The following S100Z variants were observed in gnomAD, a reference collection of about 807,000 sequenced individuals.
The protein encoded by S100Z is S100 calcium binding protein Z.
A neutral mutation model predicts 8.5 loss-of-function variants in S100Z; 11 were observed. The ratio of observed to expected loss-of-function variants is 1.30; its 90% CI spans 0.82 to 2.15. The LOEUF is 2.15. Among genes scored for constraint, S100Z ranks in the 30% most tolerant of loss-of-function variants. The pLI is 0.00. For synonymous variants in S100Z, 34 were observed against 43.8 expected (o/e 0.78, Z 0.89); for missense variants, 126 against 117.9 (o/e 1.07, Z -0.32).
chr5:76,907,004 A>ATG (rs1365181121), intron 4 of S100Z, among the ~76,000 whole-genome samples: 3 of 16,850 alleles, frequency 1.8e-4, no homozygotes, highest in Non-Finnish European at 2.7e-4. Flanking sequence ...ATATATATAT[A>ATG]TATATATATA....
chr5:76,858,250 C>T (rs578146265), intron 1 of S100Z, among the ~76,000 whole-genome samples: 70 of 152,192 alleles, frequency 4.6e-4, no homozygotes, highest in Middle Eastern at 3.4e-3. Flanking sequence ...GGGCTAAGTG[C>T]GGTGGCTCAC....
intron 2 of S100Z, among the ~76,000 whole-genome samples, chr5:76,874,594 G>GT (rs901246438): frequency 4.6e-5 from 7 of 152,060 alleles, no homozygotes; most frequent in African/African-American, 4.8e-5. Flanking sequence ...TGGGGAGAAC[G>GT]TTTCCCCCTC....
At chr5:76,936,528 A>G in the S100Z span, among the ~76,000 whole-genome samples, 1 of 151,894 alleles carries the variant, frequency 6.6e-6, no homozygotes, top group Non-Finnish European at 1.5e-5. Context: ...TAGAGAAAAA[A>G]GTCAATCAAA....
At chr5:76,936,081 T>C in the S100Z span, among the ~76,000 whole-genome samples, 1 of 152,132 alleles carries the variant, frequency 6.6e-6, no homozygotes, top group Non-Finnish European at 1.5e-5. Flanking sequence ...CCGGCCAAAA[T>C]AATGACTTTT....
At chr5:76,884,448 T>C (rs1743525530) in intron 4 of S100Z, among the ~76,000 whole-genome samples, 3 of 152,188 alleles carry the variant, frequency 2.0e-5, no homozygotes. Context: ...GAAAAAACTC[T>C]TTCCCATTCA....
chr5:76,947,653 G>C, the S100Z span, among the ~76,000 whole-genome samples: 1 of 152,058 alleles, frequency 6.6e-6, no homozygotes. Flanking sequence ...TATGGTACAG[G>C]CATAAAGACA....
chr5:76,886,428 A>G (rs1229916806), intron 4 of S100Z, among the ~76,000 whole-genome samples: 7 of 152,180 alleles, frequency 4.6e-5, no homozygotes, highest in African/African-American at 7.2e-5. Flanking sequence ...AGAAGAGAGT[A>G]AAAAGAGGCC....
At chr5:76,892,533 G>T (rs1416637720) in intron 4 of S100Z, among the ~76,000 whole-genome samples, 1 of 151,280 alleles carries the variant, frequency 6.6e-6, no homozygotes, top group African/African-American at 2.5e-5. Context: ...CAAGATTGGG[G>T]GCATGCATAA....
the S100Z span, among the ~76,000 whole-genome samples, chr5:76,936,383 C>T: frequency 6.6e-6 from 1 of 151,874 alleles, no homozygotes; most frequent in African/African-American, 2.4e-5. Context: ...ATGTACATAT[C>T]TAAAAGGATA....
intron 4 of S100Z, among the ~76,000 whole-genome samples, chr5:76,909,086 T>G (rs1414144391): frequency 6.6e-6 from 1 of 152,140 alleles, no homozygotes; most frequent in African/African-American, 2.4e-5. Context: ...GGGACCATTG[T>G]GGGTTCTTGG....
chr5:76,918,233 AT>A (rs1678362541), intron 4 of S100Z, among the ~76,000 whole-genome samples: 1 of 152,054 alleles, frequency 6.6e-6, no homozygotes, highest in South Asian at 2.1e-4. Flanking sequence ...TTGAGACAGA[AT>A]CTGGCTCTGT....
intron 2 of S100Z, among the ~76,000 whole-genome samples, chr5:76,871,747 G>A (rs1309181308): frequency 1.3e-5 from 2 of 151,942 alleles, no homozygotes; most frequent in African/African-American, 4.8e-5. Context: ...AGCTGGTCTC[G>A]AACTCCTTAC....
At chr5:76,921,855 G>A (rs560113106), downstream of S100Z, among the ~76,000 whole-genome samples, 54 of 152,182 alleles carry the variant, frequency 3.5e-4, 1 homozygote, top group Non-Finnish European at 6.2e-4. Flanking sequence ...TGGGCATGGC[G>A]GTGCACGCCT....
intron 4 of S100Z, among the ~76,000 whole-genome samples, chr5:76,891,646 T>G (rs1743862321): frequency 6.6e-6 from 1 of 152,086 alleles, no homozygotes; most frequent in Admixed American, 6.6e-5. Flanking sequence ...AGGAAGGGGT[T>G]TGAATGGAAG....
chr5:76,887,811 T>C (rs1042831701), intron 4 of S100Z, among the ~76,000 whole-genome samples: 7 of 152,178 alleles, frequency 4.6e-5, no homozygotes, highest in Non-Finnish European at 1.0e-4. Context: ...TGCCATTTTT[T>C]TCCCCCTTAA....
the S100Z span, among the ~76,000 whole-genome samples, chr5:76,939,443 C>T: frequency 6.7e-6 from 1 of 150,086 alleles, no homozygotes; most frequent in Non-Finnish European, 1.5e-5. Flanking sequence ...TGAGCCACTG[C>T]GCCTGGCCTG....
At chr5:76,909,088 G>C (rs1744556747) in intron 4 of S100Z, among the ~76,000 whole-genome samples, 2 of 152,134 alleles carry the variant, frequency 1.3e-5, no homozygotes, top group Non-Finnish European at 2.9e-5. Context: ...GACCATTGTG[G>C]GTTCTTGGAC....
intron 2 of S100Z, among the ~76,000 whole-genome samples, chr5:76,870,528 C>T (rs1033090855): frequency 2.6e-5 from 4 of 152,282 alleles, no homozygotes; most frequent in African/African-American, 9.6e-5. Flanking sequence ...TGAAGGGCTG[C>T]TCCCAGGATG....
chr5:76,905,323 A>G (rs1744387752), intron 4 of S100Z, among the ~76,000 whole-genome samples: 2 of 152,136 alleles, frequency 1.3e-5, no homozygotes, highest in African/African-American at 4.8e-5. Context: ...GGCACATACC[A>G]CTGTGCCCGG....
Sources: gnomAD v4.1 joint callset for allele counts (sites outside exome capture counted in the v4.1 genomes callset) on GRCh38, gnomAD v4.1.1 for gene constraint, MANE v1.5 for transcripts, NCBI Gene and HGNC (gene_info 2026-07-23, HGNC 2026-07-21) for gene names.